The following PRIMPOL variants were observed in gnomAD, a reference collection of about 807,000 sequenced individuals.
PRIMPOL encodes DNA-directed primase/polymerase protein.
Under a neutral mutation model 63.6 loss-of-function variants are expected in PRIMPOL, and 54 were observed. The observed-to-expected ratio is 0.85, with a 90% CI of 0.68 to 1.07. The LOEUF (loss-of-function observed/expected upper bound fraction) is 1.07. PRIMPOL is among the 50% of genes least tolerant of loss of function. The probability of loss-of-function intolerance (pLI) is 0.00; values close to 1 mark genes in which losing one functional copy is unlikely to be tolerated. For synonymous variants in PRIMPOL, 197 were observed against 220.2 expected (o/e 0.89, Z 0.93); for missense variants, 610 against 648.3 (o/e 0.94, Z 0.64).
intron 6 of PRIMPOL, among the ~76,000 whole-genome samples, chr4:184,670,571 A>G (rs1751317006): frequency 2.1e-5 from 3 of 143,752 alleles, no homozygotes; most frequent in Non-Finnish European, 4.5e-5. Flanking sequence ...TTTGTGAGAC[A>G]AGAGTCTCAC....
chr4:184,667,556 C>T (rs576245581), intron 6 of PRIMPOL, among the ~76,000 whole-genome samples: 11 of 152,252 alleles, frequency 7.2e-5, no homozygotes, highest in Admixed American at 1.3e-4. Flanking sequence ...GTGATCTGCC[C>T]GCCTTGGCCT....
rs1275846501 is a variant in PRIMPOL, at chr4:184,685,543, ATAG to A, written c.1187-29_1187-27del. 1.9e-6 allele frequency: 3 copies of A among 1,593,524 alleles called. No individual in the cohort carries two copies. The African/African-American group carries it at 4.0e-5, about 21-fold the overall frequency. On this transcript the variant is annotated intron_variant, in intron 10 of 13. Coordinates refer to ENST00000314970, the MANE Select transcript of PRIMPOL (RefSeq NM_152683.4). ...TTGTTAACTGTTATATGATAGAGTG[ATAG>A]TAGCTTTAGAAACATTATTTGCATT... is the stretch of plus-strand genomic sequence containing the variant.
At chr4:184,677,529 GACACTGT>G (rs1561037744) in intron 7 of PRIMPOL, among the ~76,000 whole-genome samples, 121,834 of 152,138 alleles carry the variant, frequency 0.8, 49,694 homozygotes, top group East Asian at 0.97. Flanking sequence ...AGATAGGCAC[GACACTGT>G]CTAATATAGT....
chr4:184,660,255 A>G (rs906637922), intron 4 of PRIMPOL, among the ~76,000 whole-genome samples: 3 of 150,868 alleles, frequency 2.0e-5, no homozygotes, highest in Non-Finnish European at 4.4e-5. Context: ...GCACAATCTC[A>G]GCTCACTGCA....
In PRIMPOL at chr4:184,657,075, GT is replaced by G. The variant is rs1746663811; in HGVS notation, c.-59-3del. 5.0e-6 allele frequency: 6 copies of G among 1,204,268 alleles called. No homozygotes were observed. The allele number at this position is 1,204,268 out of a possible 1,614,324, so 74.6% of individuals were successfully genotyped here. ...TTAATGGCCTTTTTGTTTGTTGTTT[GT>G]TTTAGTAGTAATTGATAGAAATATT... On this transcript the variant is annotated splice_region_variant and splice_polypyrimidine_tract_variant and intron_variant, in intron 2 of 13. Coordinates refer to ENST00000314970, the MANE Select transcript of PRIMPOL (RefSeq NM_152683.4).
intron 5 of PRIMPOL, among the ~76,000 whole-genome samples, chr4:184,662,121 T>G (rs552035914): frequency 1.3e-5 from 2 of 152,102 alleles, no homozygotes; most frequent in South Asian, 4.1e-4. Flanking sequence ...TTTTGCTGTC[T>G]GGTAAAAAAA....
At chr4:184,693,335 T>G (rs1759448426) in intron 13 of PRIMPOL, among the ~76,000 whole-genome samples, 1 of 152,194 alleles carries the variant, frequency 6.6e-6, no homozygotes, top group Admixed American at 6.5e-5. Flanking sequence ...GATTGTGATT[T>G]AGATATTCGT....
At chr4:184,694,435 C>T (rs1254648272) in intron 13 of PRIMPOL, 87 bp from the exon 14 acceptor site, 1 of 1,490,664 alleles carries the variant, frequency 6.7e-7, no homozygotes, top group Non-Finnish European at 8.9e-7. Flanking sequence ...TAATACCTTA[C>T]TTCAACATAG....
intron 9 of PRIMPOL, among the ~76,000 whole-genome samples, chr4:184,685,134 C>T (rs894037622): frequency 3.3e-5 from 5 of 151,988 alleles, no homozygotes; most frequent in African/African-American, 7.2e-5. Flanking sequence ...CTGTTATGGA[C>T]GTGAGGGACT....
At chr4:184,681,553 G>GT (rs1158385560) in intron 8 of PRIMPOL, among the ~76,000 whole-genome samples, 3 of 151,320 alleles carry the variant, frequency 2.0e-5, no homozygotes, top group Admixed American at 6.6e-5. Flanking sequence ...TATTTTTATT[G>GT]TTTTTTTATT....
chr4:184,687,676 A>C (rs1048477306), intron 11 of PRIMPOL, among the ~76,000 whole-genome samples: 1 of 152,162 alleles, frequency 6.6e-6, no homozygotes, highest in Non-Finnish European at 1.5e-5. Flanking sequence ...GTGCAATCGC[A>C]CGATCTCGGC....
chr4:184,678,525 CTTT>C (rs767532493), intron 8 of PRIMPOL, 131 bp downstream of exon 8: 8,517 of 330,310 alleles, frequency 0.026, no homozygotes, highest in South Asian at 0.038. Context: ...TCTTACAGCT[CTTT>C]TTTTTTTTTT....
chr4:184,660,621 A>G (rs1233724147), intron 4 of PRIMPOL, among the ~76,000 whole-genome samples: 1 of 152,222 alleles, frequency 6.6e-6, no homozygotes, highest in African/African-American at 2.4e-5. Flanking sequence ...TTATGTTGAT[A>G]TACATGCAAC....
chr4:184,655,808 CA>C (rs1234501878), intron 2 of PRIMPOL, among the ~76,000 whole-genome samples: 1 of 152,116 alleles, frequency 6.6e-6, no homozygotes, highest in African/African-American at 2.4e-5. Flanking sequence ...TATTTCACTT[CA>C]AAAAAGCCCC....
In PRIMPOL at chr4:184,692,228, C is replaced by T. The variant is rs892433184; in HGVS notation, c.1425+516C>T. ...GTGGCTCAGGCCTGTAATCCCAGCA[C>T]TTTGAGAGGCTGAGGCAGGCAGATC... On this transcript the variant is annotated intron_variant, in intron 13 of 13. Coordinates refer to ENST00000314970, the MANE Select transcript of PRIMPOL (RefSeq NM_152683.4). Among the ~76,000 whole-genome samples the T allele has an allele frequency of 5.9e-5, 9 of 152,138 alleles. No homozygotes were observed. The Middle Eastern group carries it at 0.014, about 230-fold the overall frequency.
At position 184,675,127 on chromosome 4, in the gene PRIMPOL, A is replaced by T. The variant is rs141932092; in HGVS notation, c.844+2667A>T. ...ATGATTGGCATCACACTGTGTTGTA[A>T]GCAGATACCTGAGCTCACCGCAATA... On this transcript the variant is annotated intron_variant, in intron 7 of 13. Coordinates refer to ENST00000314970, the MANE Select transcript of PRIMPOL (RefSeq NM_152683.4). 1.5e-3 allele frequency among the ~76,000 whole-genome samples: 235 copies of T among 152,342 alleles called. 1 individual carries two copies. Among genetic ancestry groups the T allele is most frequent in the Non-Finnish European group, 1.8e-3 (121 of 68,030 alleles).
At position 184,672,183 on chromosome 4, in the gene PRIMPOL, G is replaced by A; in HGVS notation, c.567G>A (p.Leu189=). The change falls in exon 7 of 14, where the codon TTG becomes TTA. Residue 189 remains leucine, a synonymous_variant. Transcript: ENST00000314970. ...AGCTTTTTTCCTTAGGTAATTTTTTGAGAAAAATTTTGCAGCCTGCTCTTG... is the reference window on the plus strand; with the variant it reads ...AGCTTTTTTCCTTAGGTAATTTTTTAAGAAAAATTTTGCAGCCTGCTCTTG... ...FKDNIHVGNF[L]RKILQPALDL... 6.2e-7 allele frequency: 1 copy of A among 1,604,196 alleles called. No individual in the cohort carries two copies. The highest frequency in any genetic ancestry group is 8.5e-7 in the Non-Finnish European group (1 of 1,177,020).
intron 9 of PRIMPOL, among the ~76,000 whole-genome samples, chr4:184,683,105 A>G (rs1020920194): frequency 6.6e-6 from 1 of 152,068 alleles, no homozygotes; most frequent in Admixed American, 6.5e-5. Context: ...TTTCTATCTC[A>G]AATGGAAAAA....
At chr4:184,657,058 C>A (rs1201446931) in intron 2 of PRIMPOL, 24 bp from the exon 3 acceptor site, 3 of 1,027,170 alleles carry the variant, frequency 2.9e-6, no homozygotes, top group Non-Finnish European at 4.0e-6. Context: ...AATTAATGGC[C>A]TTTTTGTTTG....
Sources: gnomAD v4.1 joint callset for allele counts (sites outside exome capture counted in the v4.1 genomes callset) on GRCh38, gnomAD v4.1.1 for gene constraint, MANE v1.5 for transcripts, NCBI Gene and HGNC (gene_info 2026-07-23, HGNC 2026-07-21) for gene names.